Variants in NCEH1 observed in about 807,000 individuals in gnomAD.
The protein encoded by NCEH1 is 2-acetyl MAGE hydrolase.
In NCEH1, 9 loss-of-function variants were observed where a neutral mutation model predicts 25.4. That is an observed-to-expected ratio of 0.35 (90% CI 0.21 to 0.62). The LOEUF (loss-of-function observed/expected upper bound fraction) is 0.62, where lower values mean the gene tolerates loss of function less well. Ranked by LOEUF, NCEH1 falls within the 20% of genes least tolerant of loss-of-function variation. The pLI is 0.72. For synonymous variants in NCEH1, 200 were observed against 199.8 expected, an observed-to-expected ratio of 1.00 and a Z score of -0.01; for missense variants, 412 against 501.1, an observed-to-expected ratio of 0.82 and a Z score of 1.70.
intron 1 of NCEH1, among the ~76,000 whole-genome samples, chr3:172,653,740 T>TGTTTTTTTG (rs35227369): frequency 8.6e-5 from 8 of 93,276 alleles, no homozygotes; most frequent in African/African-American, 2.8e-4. Context: ...GTTCTGTTTT[T>TGTTTTTTTG]TTTGTTTTTT....
intron 1 of NCEH1, among the ~76,000 whole-genome samples, chr3:172,700,021 A>G (rs923883339): frequency 6.6e-6 from 1 of 152,244 alleles, no homozygotes; most frequent in Admixed American, 6.5e-5. Flanking sequence ...TAACAGACAT[A>G]TATTTTAAAA....
intron 1 of NCEH1, among the ~76,000 whole-genome samples, chr3:172,653,681 G>T (rs995694608): frequency 1.3e-5 from 2 of 151,898 alleles, no homozygotes; most frequent in Non-Finnish European, 2.9e-5. Flanking sequence ...AAAAGGGCTG[G>T]AACTAAGGTG....
At chr3:172,642,200 GTCTC>G (rs1224656734) in intron 3 of NCEH1, among the ~76,000 whole-genome samples, 2 of 151,814 alleles carry the variant, frequency 1.3e-5, no homozygotes, top group Admixed American at 6.6e-5. Flanking sequence ...TTGAGATAGG[GTCTC>G]TCTCTGTCAC....
chr3:172,645,076 T>G (rs982073146), intron 3 of NCEH1, among the ~76,000 whole-genome samples: 1 of 152,188 alleles, frequency 6.6e-6, no homozygotes, highest in African/African-American at 2.4e-5. Flanking sequence ...ATTATTATCA[T>G]CAAAATTATT....
intron 1 of NCEH1, among the ~76,000 whole-genome samples, chr3:172,661,584 T>C (rs1377193444): frequency 6.6e-6 from 1 of 152,226 alleles, no homozygotes; most frequent in Non-Finnish European, 1.5e-5. Context: ...TTTCACAATA[T>C]TGATTCTTCC....
At chr3:172,640,530 C>T (rs234005) in intron 3 of NCEH1, among the ~76,000 whole-genome samples, 39,276 of 151,920 alleles carry the variant, frequency 0.26, 5,255 homozygotes, top group East Asian at 0.29. Flanking sequence ...TATTTTGAGA[C>T]GGAGTCTCGC....
intron 1 of NCEH1, among the ~76,000 whole-genome samples, chr3:172,676,046 T>C (rs1350147335): frequency 6.6e-6 from 1 of 152,192 alleles, no homozygotes; most frequent in African/African-American, 2.4e-5. Context: ...GCCCAACTGC[T>C]GCTCCCCTGC....
intron 1 of NCEH1, among the ~76,000 whole-genome samples, chr3:172,664,786 G>A (rs6808522): frequency 0.2 from 29,984 of 151,994 alleles, 3,286 homozygotes; most frequent in Middle Eastern, 0.26. Context: ...CGTAGTTCTC[G>A]TGCCATGGTT....
intron 1 of NCEH1, among the ~76,000 whole-genome samples, chr3:172,689,540 C>A (rs1305139696): frequency 1.3e-5 from 2 of 151,244 alleles, no homozygotes; most frequent in Non-Finnish European, 2.9e-5. Context: ...AGCCACCACA[C>A]CTGGCCCTTG....
intron 3 of NCEH1, among the ~76,000 whole-genome samples, chr3:172,641,954 A>G (rs1208597178): frequency 6.6e-6 from 1 of 151,938 alleles, no homozygotes; most frequent in East Asian, 1.9e-4. Context: ...ACTTCCCATC[A>G]CTTATCACAC....
At chr3:172,709,981 C>T (rs866555171) in intron 1 of NCEH1, among the ~76,000 whole-genome samples, 8 of 152,094 alleles carry the variant, frequency 5.3e-5, no homozygotes, top group Admixed American at 2.6e-4. Context: ...ATTTTAGATT[C>T]TCTGACACTA....
In NCEH1 at chr3:172,650,377, C is replaced by T. The variant is rs141316145; in HGVS notation, c.139-2263G>A. 7.3e-3 allele frequency among the ~76,000 whole-genome samples: 1,111 copies of T among 152,192 alleles called. 20 individuals are homozygous for T. The highest frequency in any genetic ancestry group is 0.025 in the African/African-American group (1,058 of 41,524). On this transcript the variant is annotated intron_variant, in intron 1 of 4. Coordinates refer to ENST00000475381, the MANE Select transcript of NCEH1 (RefSeq NM_020792.6). ...AATTAGCTGGGACCGGGTGCGGTGG[C>T]TCACGCCTGTAATCCCAGCACTTTG...
At chr3:172,683,810 G>A (rs1274383154) in intron 1 of NCEH1, among the ~76,000 whole-genome samples, 1 of 152,212 alleles carries the variant, frequency 6.6e-6, no homozygotes, top group Admixed American at 6.5e-5. Context: ...TACATCTAAT[G>A]TAAAGACTCT....
chr3:172,698,869 G>C (rs1488460229), intron 1 of NCEH1, among the ~76,000 whole-genome samples: 1 of 152,216 alleles, frequency 6.6e-6, no homozygotes, highest in Non-Finnish European at 1.5e-5. Flanking sequence ...TGCCCCTTGC[G>C]ACAGACGCGG....
At chr3:172,706,294 T>C (rs1227593064) in intron 1 of NCEH1, among the ~76,000 whole-genome samples, 1 of 152,138 alleles carries the variant, frequency 6.6e-6, no homozygotes, top group Non-Finnish European at 1.5e-5. Context: ...TTAAATTATA[T>C]CTTTCTGCTT....
At chr3:172,689,422 G>GT (rs1247802268) in intron 1 of NCEH1, among the ~76,000 whole-genome samples, 1 of 150,962 alleles carries the variant, frequency 6.6e-6, no homozygotes, top group South Asian at 2.1e-4. Context: ...AATTTTTGTA[G>GT]TTTTAGTAGA....
chr3:172,649,243 T>TA (rs922274164), intron 1 of NCEH1, among the ~76,000 whole-genome samples: 16 of 152,108 alleles, frequency 1.1e-4, no homozygotes, highest in Admixed American at 1.0e-3. Flanking sequence ...TACATATATA[T>TA]ATATACACAC....
At chr3:172,638,210 G>A (rs1306473931) in intron 3 of NCEH1, among the ~76,000 whole-genome samples, 1 of 147,956 alleles carries the variant, frequency 6.8e-6, no homozygotes, top group East Asian at 2.0e-4. Flanking sequence ...TAGTGGAGGC[G>A]GAGCTTGCAG....
chr3:172,660,917 T>C (rs1717944420), intron 1 of NCEH1, among the ~76,000 whole-genome samples: 2 of 152,252 alleles, frequency 1.3e-5, no homozygotes, highest in African/African-American at 4.8e-5. Flanking sequence ...TCCCATTCTG[T>C]AGGCTGCCTG....
Sources: allele counts gnomAD v4.1 joint callset (sites outside exome capture counted in the v4.1 genomes callset), GRCh38; gene constraint gnomAD v4.1.1; transcripts MANE v1.5; gene names NCBI Gene and HGNC (gene_info 2026-07-23, HGNC 2026-07-21).